ADGRE5: variants seen among roughly 807,000 people sequenced by gnomAD.
The protein encoded by ADGRE5 is adhesion G protein-coupled receptor E5.
A neutral mutation model predicts 100.3 loss-of-function variants in ADGRE5; 72 were observed. The ratio of observed to expected loss-of-function variants is 0.72; its 90% CI spans 0.59 to 0.87. The LOEUF (loss-of-function observed/expected upper bound fraction) is 0.87. Among genes scored for constraint, ADGRE5 ranks in the 40% least tolerant of loss-of-function variants. The pLI, the probability that ADGRE5 is intolerant of heterozygous loss-of-function variation, is 0.00. For missense variants in ADGRE5, 959 were observed against 1,094.7 expected, an observed-to-expected ratio of 0.88 and a Z score of 1.75; for synonymous variants, 439 against 447.8, an observed-to-expected ratio of 0.98 and a Z score of 0.25.
chr19:14,393,341 C>G (rs901760516), intron 4 of ADGRE5, among the ~76,000 whole-genome samples: 1 of 152,242 alleles, frequency 6.6e-6, no homozygotes, highest in African/African-American at 2.4e-5. Flanking sequence ...CAGAGAGCAG[C>G]TGCAAGGCTC....
At chr19:14,407,840 G>C (rs970471531) in intron 18 of ADGRE5, 68 bp from the exon 19 acceptor site, 1 of 1,327,006 alleles carries the variant, frequency 7.5e-7, no homozygotes, top group African/African-American at 1.4e-5. Flanking sequence ...GCTGAGGGCA[G>C]AGCATGGGGA....
chr19:14,396,681 C>T (rs1378851606), intron 5 of ADGRE5, among the ~76,000 whole-genome samples: 1 of 152,240 alleles, frequency 6.6e-6, no homozygotes, highest in East Asian at 1.9e-4. Context: ...CTGGAGTGCC[C>T]TTGTGGGCCC....
Position 14,406,302 on chromosome 19 carries a change from C to T in ADGRE5, c.1822-29C>T. The T allele has an allele frequency of 2.7e-6, 4 of 1,509,104 alleles. No individual in the cohort carries two copies. Among genetic ancestry groups the T allele is most frequent in the South Asian group, 1.2e-5 (1 of 82,616 alleles). The allele number at this position is 1,509,104 out of a possible 1,614,324, so 93.5% of individuals were successfully genotyped here. On this transcript the variant is annotated intron_variant, in intron 14 of 19. Transcript: ENST00000242786. This position sits in a 1 kb window ranked among gnomAD's most constrained non-coding sequence, Gnocchi z 6.0. Reference sequence around the variant, plus strand: ...CGCATGCCCCTCCCCGCGCTGACGTCGCTCCGCCCCTCCGTCCCCGCCCCG... The same window carrying T: ...CGCATGCCCCTCCCCGCGCTGACGTTGCTCCGCCCCTCCGTCCCCGCCCCG...
Position 14,408,000 on chromosome 19 carries a change from T to C in ADGRE5, c.2469T>C (p.Asn823=), listed in dbSNP as rs1976351322. Residue 823 remains asparagine (N), a synonymous_variant, in exon 19 of 20, where the codon AAT becomes AAC. Transcript: ENST00000242786. ...FTSTTSGTGH[N]QTRALRASES... is the part of the protein sequence containing the mutation. ...CCACCACGTCTGGCACTGGCCACAA[T>C]CAGACCCGGGTAAGGGGCTGCGCCT... 6.2e-7 allele frequency: 1 copy of C among 1,614,096 alleles called. No individual in the cohort carries two copies. The highest frequency in any genetic ancestry group is 8.5e-7 in the Non-Finnish European group (1 of 1,180,008).
rs573088933 is a variant in ADGRE5 at position 14,388,331 on chromosome 19, G to C, written c.23-119G>C. ...GACATGACATCTGCTCACTCTGAAC[G>C]ACCGTCAGGATCTGAGCCTGAGAGG... On this transcript the variant is annotated intron_variant, in intron 1 of 19. Coordinates refer to ENST00000242786, the MANE Select transcript of ADGRE5 (RefSeq NM_078481.4). The C allele has an allele frequency of 9.8e-6, 15 of 1,532,212 alleles. No individual in the cohort carries two copies. In the East Asian group the frequency reaches 3.5e-4, roughly 36 times the overall value. The allele number at this position is 1,532,212 out of a possible 1,614,324, so 94.9% of individuals were successfully genotyped here.
At chr19:14,389,953 G>A (rs1255490729) in intron 3 of ADGRE5, among the ~76,000 whole-genome samples, 1 of 151,780 alleles carries the variant, frequency 6.6e-6, no homozygotes, top group Non-Finnish European at 1.5e-5. Flanking sequence ...GCACATGCTT[G>A]TAATCCCAGC....
intron 9 of ADGRE5, among the ~76,000 whole-genome samples, chr19:14,400,586 G>A (rs1906643695): frequency 1.3e-5 from 2 of 152,076 alleles, no homozygotes. Context: ...GAGGTCAGGA[G>A]TTCAAGACCA....
chr19:14,391,003 C>A lies in ADGRE5; in HGVS notation c.270C>A (p.Asp90Glu). The change falls in exon 4 of 20, where the codon GAC (aspartate) becomes GAA (glutamate). Residue 90 changes from aspartate to glutamate, a missense_variant. By Grantham distance (45) the Asp-to-Glu change is conservative. Around this residue, in one of 6 missense-constraint regions of ADGRE5, gnomAD observed 114 missense variants for 195.7 expected, o/e 0.58. Transcript: ENST00000242786. ...SDCWNTEGSY[D>E]CVCSPGYEPV... ...GCTGGAACACAGAGGGGAGCTACGA[C>A]TGCGTGTGCAGCCCGGGATATGAGC... 1 of 1,614,204 alleles carries A rather than the reference C, an allele frequency of 6.2e-7. No homozygotes were observed. The highest frequency in any genetic ancestry group is 8.5e-7 in the Non-Finnish European group (1 of 1,180,040).
At position 14,406,423 on chromosome 19, in the gene ADGRE5, C is replaced by G. The variant is rs1568320416; in HGVS notation, c.1914C>G (p.Tyr638Ter). 1.3e-6 allele frequency: 2 copies of G among 1,590,728 alleles called. No homozygotes were observed. Among genetic ancestry groups the G allele is most frequent in the Non-Finnish European group, 1.7e-6 (2 of 1,169,014 alleles). ...TGAGCCTCGAAGGCCTGGAGCTCTA[C>G]TTTCTTGTGGTGCGCGTGTTCCAAG... ...CWMSLEGLEL[Y>*]FLVVRVFQGQ... Residue 638 changes from tyrosine (Y) to a stop codon, truncating the protein, a stop_gained, in exon 15 of 20, where the codon TAC becomes TAG. Coordinates refer to ENST00000242786, the MANE Select transcript of ADGRE5 (RefSeq NM_078481.4). LOFTEE classifies it high-confidence loss of function. The surrounding 1 kb of genome is among the most constrained non-coding windows in gnomAD (Gnocchi z 6.0).
At chr19:14,381,649 G>A in intron 1 of ADGRE5, 104 bp downstream of exon 1, 2 of 1,341,708 alleles carry the variant, frequency 1.5e-6, no homozygotes, top group Non-Finnish European at 2.0e-6. Flanking sequence ...TGGGGCCTGC[G>A]ATAGAGGAAG....
Position 14,408,143 on chromosome 19 carries a change from C to A in ADGRE5, c.*22C>A. 1.9e-6 allele frequency: 3 copies of A among 1,611,878 alleles called. No individual in the cohort carries two copies. The highest frequency in any genetic ancestry group is 2.5e-6 in the Non-Finnish European group (3 of 1,179,624). On this transcript the variant is annotated 3_prime_UTR_variant, in exon 20 of 20. Coordinates refer to ENST00000242786, the MANE Select transcript of ADGRE5 (RefSeq NM_078481.4). ...ATGAAGGCGCATGGTTCTGGACGGC[C>A]CAGCAGCTCCTGTGGCCACAGCAGC...
chr19:14,407,308 C>G, intron 18 of ADGRE5, 79 bp downstream of exon 18: 1 of 1,529,650 alleles, frequency 6.5e-7, no homozygotes, highest in African/African-American at 1.4e-5. Flanking sequence ...ATTGCTTGAG[C>G]CCAGAAGTTG....
intron 1 of ADGRE5, among the ~76,000 whole-genome samples, chr19:14,384,986 T>TC (rs1476631205): frequency 2.7e-5 from 4 of 148,976 alleles, no homozygotes; most frequent in Non-Finnish European, 6.0e-5. Context: ...TTTCTTTCTT[T>TC]TTTTTTTTTT....
rs534255879 is a variant in ADGRE5, at chr19:14,394,732, T to C, written c.347-1610T>C. The stretch of plus-strand genomic sequence containing the variant: ...AGCTCAGCCACACCTGGAACCCCTC[T>C]GACACCCACACCTACCATAATGAAC... On this transcript the variant is annotated intron_variant, in intron 4 of 19. Coordinates refer to ENST00000242786, the MANE Select transcript of ADGRE5 (RefSeq NM_078481.4). 3.5e-4 allele frequency among the ~76,000 whole-genome samples: 53 copies of C among 152,182 alleles called. 1 individual carries two copies. Among genetic ancestry groups the C allele is most frequent in the Admixed American group, 3.3e-3 (51 of 15,268 alleles).
rs917387983 is a variant in ADGRE5 at position 14,394,661 on chromosome 19, G to A, written c.347-1681G>A. On this transcript the variant is annotated intron_variant, in intron 4 of 19. Transcript: ENST00000242786. ...TACAGTATCCATCCTCTCCGCCATC[G>A]CCGGGGACTGCCAGGATGAGACTTG... Among the ~76,000 whole-genome samples, 18 of 152,070 alleles carry A rather than the reference G, an allele frequency of 1.2e-4. 1 individual carries two copies. The highest frequency in any genetic ancestry group is 2.2e-4 in the African/African-American group (9 of 41,474).
At position 14,388,638 on chromosome 19, in the gene ADGRE5, C is replaced by T. The variant is rs35363541; in HGVS notation, c.74-64C>T. 1.6e-5 allele frequency: 25 copies of T among 1,605,730 alleles called. No individual in the cohort carries two copies. The African/African-American group carries it at 1.6e-4, about 10-fold the overall frequency. ...ACTCAGCGCCCTGCCCCATCTCCCC[C>T]AGTGCCCCCTTTTTGTGTATTCCCT... is the stretch of plus-strand genomic sequence containing the variant. On this transcript the variant is annotated intron_variant, in intron 2 of 19. Transcript: ENST00000242786.
chr19:14,402,479 G>C (rs1174829000), intron 11 of ADGRE5, 118 bp from the exon 12 acceptor site: 2 of 972,468 alleles, frequency 2.1e-6, no homozygotes, highest in Non-Finnish European at 3.1e-6. Context: ...CTCATCGGGA[G>C]GGGCTCCTGG....
chr19:14,385,959 G>A (rs1156982632), intron 1 of ADGRE5, among the ~76,000 whole-genome samples: 1 of 151,510 alleles, frequency 6.6e-6, no homozygotes, highest in African/African-American at 2.4e-5. Context: ...TCAGTAGAGA[G>A]GGGGTTTCAC....
At chr19:14,390,466 G>C (rs1175872843) in intron 3 of ADGRE5, among the ~76,000 whole-genome samples, 1 of 151,864 alleles carries the variant, frequency 6.6e-6, no homozygotes, top group Non-Finnish European at 1.5e-5. Context: ...TGTGATTACA[G>C]GCATGCACCA....
Sources: gnomAD v4.1 joint callset for allele counts (sites outside exome capture counted in the v4.1 genomes callset) on GRCh38, gnomAD v4.1.1 for gene constraint, gnomAD v4.1.1 regional missense constraint, Gnocchi (gnomAD v3.1) non-coding constraint, MANE v1.5 for transcripts, NCBI Gene and HGNC (gene_info 2026-07-23, HGNC 2026-07-21) for gene names.